The following FHOD3 variants were observed in gnomAD, a reference collection of about 807,000 sequenced individuals.
The protein encoded by FHOD3 is FH1/FH2 domain-containing protein 3.
Under a neutral mutation model 173.0 loss-of-function variants are expected in FHOD3, and 90 were observed. The observed-to-expected ratio is 0.52, with a 90% CI of 0.44 to 0.62. FHOD3 has a LOEUF of 0.62. Ranked by LOEUF, FHOD3 falls within the 20% of genes least tolerant of loss-of-function variation. The probability of loss-of-function intolerance (pLI) is 0.00; values close to 1 mark genes in which losing one functional copy is unlikely to be tolerated. For missense variants in FHOD3, 1,945 were observed against 2,034.7 expected (o/e 0.96, Z 0.85); for synonymous variants, 828 against 823.0 (o/e 1.01, Z -0.10).
intron 1 of FHOD3, among the ~76,000 whole-genome samples, chr18:36,332,215 T>G (rs951084460): frequency 6.6e-6 from 1 of 152,252 alleles, no homozygotes; most frequent in African/African-American, 2.4e-5. Context: ...AATACCTTGC[T>G]AACTGGCATA....
At chr18:36,300,647 G>C (rs2091936173) in intron 1 of FHOD3, among the ~76,000 whole-genome samples, 1 of 152,208 alleles carries the variant, frequency 6.6e-6, no homozygotes, top group Admixed American at 6.5e-5. Flanking sequence ...GTGGTACAAA[G>C]AGGGGAGAAG....
Position 36,571,990 on chromosome 18 carries a change from T to C in FHOD3, c.512-4461T>C, listed in dbSNP as rs1318821697. 4.6e-5 allele frequency among the ~76,000 whole-genome samples: 7 copies of C among 152,322 alleles called. 1 individual carries two copies. Among genetic ancestry groups the C allele is most frequent in the African/African-American group, 1.7e-4 (7 of 41,580 alleles). ...GCTGGGTAAGGTTAGCCTGGAGAGC[T>C]TGCTCCCTGTTTTCTGTTTTTGAGA... On this transcript the variant is annotated intron_variant, in intron 5 of 28. Coordinates refer to ENST00000590592, the MANE Select transcript of FHOD3 (RefSeq NM_001281740.3).
At chr18:36,446,031 G>A (rs1010925196) in intron 3 of FHOD3, among the ~76,000 whole-genome samples, 1 of 152,202 alleles carries the variant, frequency 6.6e-6, no homozygotes, top group Admixed American at 6.5e-5. Flanking sequence ...CCTGGCCCCT[G>A]TCCTGGGTTA....
intron 19 of FHOD3, among the ~76,000 whole-genome samples, chr18:36,728,735 G>A (rs902791292): frequency 2.0e-5 from 3 of 152,130 alleles, no homozygotes; most frequent in Non-Finnish European, 2.9e-5. Context: ...GATGCCTCAC[G>A]GTCCCTGGGG....
intron 28 of FHOD3, among the ~76,000 whole-genome samples, chr18:36,776,047 G>A (rs1005158975): frequency 1.3e-5 from 2 of 152,164 alleles, no homozygotes; most frequent in Admixed American, 6.5e-5. Context: ...GCAGCCAGCC[G>A]ACCTTGCCAC....
intron 19 of FHOD3, among the ~76,000 whole-genome samples, chr18:36,719,322 T>C (rs1468594858): frequency 6.6e-6 from 1 of 152,242 alleles, no homozygotes; most frequent in Admixed American, 6.5e-5. Flanking sequence ...TAGCCACTGC[T>C]GCTGTGATAG....
chr18:36,649,479 C>G (rs749848578), intron 11 of FHOD3, 74 bp downstream of exon 11: 6 of 1,158,038 alleles, frequency 5.2e-6, no homozygotes, highest in Non-Finnish European at 7.3e-6. Flanking sequence ...TCACTGCCTT[C>G]TAGTGGCCAC....
intron 3 of FHOD3, among the ~76,000 whole-genome samples, chr18:36,388,569 G>A (rs922494783): frequency 6.6e-6 from 1 of 152,108 alleles, no homozygotes; most frequent in South Asian, 2.1e-4. Context: ...TTTCCTCTCG[G>A]CAGAGCCTGG....
intron 3 of FHOD3, among the ~76,000 whole-genome samples, chr18:36,480,920 G>C (rs2053848932): frequency 6.8e-6 from 1 of 147,996 alleles, no homozygotes; most frequent in African/African-American, 2.6e-5. Context: ...CCTTCTTCAT[G>C]GCATTAGGAA....
intron 17 of FHOD3, among the ~76,000 whole-genome samples, chr18:36,704,721 C>T (rs893363573): frequency 4.6e-5 from 7 of 152,280 alleles, no homozygotes; most frequent in Admixed American, 2.0e-4. Flanking sequence ...AATACCAGAG[C>T]CCTCCCCATA....
At chr18:36,776,891 C>T (rs2043697431) in intron 28 of FHOD3, among the ~76,000 whole-genome samples, 1 of 152,180 alleles carries the variant, frequency 6.6e-6, no homozygotes, top group African/African-American at 2.4e-5. Context: ...TAGGCTGGCT[C>T]AATGTCCGAA....
intron 20 of FHOD3, among the ~76,000 whole-genome samples, chr18:36,740,204 T>C (rs2041838634): frequency 1.3e-5 from 2 of 152,210 alleles, no homozygotes; most frequent in Non-Finnish European, 2.9e-5. Flanking sequence ...TTAAGTTTAG[T>C]ATTACTTAAG....
intron 14 of FHOD3, among the ~76,000 whole-genome samples, chr18:36,670,255 A>C (rs1407145456): frequency 6.6e-6 from 1 of 152,020 alleles, no homozygotes; most frequent in Non-Finnish European, 1.5e-5. Context: ...GAGATTCTTG[A>C]ATCTGTGTGT....
intron 7 of FHOD3, among the ~76,000 whole-genome samples, chr18:36,596,032 T>TTG (rs145370376): frequency 3.3e-5 from 5 of 152,050 alleles, no homozygotes; most frequent in African/African-American, 9.6e-5. Flanking sequence ...TTCCTTATAG[T>TTG]TGTGTGTGTG....
chr18:36,438,969 C>T (rs1371138801), intron 3 of FHOD3, among the ~76,000 whole-genome samples: 2 of 152,176 alleles, frequency 1.3e-5, no homozygotes, highest in African/African-American at 4.8e-5. Flanking sequence ...TTGTGCTGAA[C>T]ACAGGCAGTT....
intron 2 of FHOD3, among the ~76,000 whole-genome samples, chr18:36,359,209 G>T (rs113583319): frequency 2.8e-4 from 43 of 152,294 alleles, no homozygotes; most frequent in African/African-American, 9.9e-4. Flanking sequence ...TGAAAATTGT[G>T]ATGTTTTTCA....
chr18:36,380,308 T>G (rs925417978), intron 3 of FHOD3, among the ~76,000 whole-genome samples: 1 of 152,178 alleles, frequency 6.6e-6, no homozygotes, highest in Non-Finnish European at 1.5e-5. Flanking sequence ...ACATGACTTA[T>G]CTGTAATCCC....
intron 17 of FHOD3, among the ~76,000 whole-genome samples, chr18:36,700,145 A>G (rs2039502112): frequency 6.6e-6 from 1 of 152,018 alleles, no homozygotes; most frequent in Non-Finnish European, 1.5e-5. Flanking sequence ...CTATCTTCAT[A>G]CACATCCTCT....
At chr18:36,602,036 A>G (rs1158144907) in intron 7 of FHOD3, among the ~76,000 whole-genome samples, 2 of 152,198 alleles carry the variant, frequency 1.3e-5, no homozygotes, top group Non-Finnish European at 2.9e-5. Context: ...GCTTAGCTGC[A>G]TGCTTGGACA....
Sources: gnomAD v4.1 joint callset for allele counts (sites outside exome capture counted in the v4.1 genomes callset) on GRCh38, gnomAD v4.1.1 for gene constraint, MANE v1.5 for transcripts, NCBI Gene and HGNC (gene_info 2026-07-23, HGNC 2026-07-21) for gene names.